Variants in XYLT1 observed in about 807,000 individuals in gnomAD.
The protein encoded by XYLT1 is xylosyltransferase 1, also known as beta-D-xylosyltransferase 1.
In XYLT1, 36 loss-of-function variants were observed where a neutral mutation model predicts 91.3. The ratio of observed to expected loss-of-function variants is 0.39; its 90% CI spans 0.30 to 0.52. XYLT1 has a LOEUF of 0.52. Ranked by LOEUF, XYLT1 falls within the 20% of genes least tolerant of loss-of-function variation. The pLI is 0.68. For missense variants in XYLT1, 1,242 were observed against 1,284.5 expected (o/e 0.97, Z 0.51); for synonymous variants, 588 against 532.0 (o/e 1.11, Z -1.45).
At chr16:17,159,018 G>T in intron 5 of XYLT1, 109 bp from the exon 6 acceptor site, 1 of 925,944 alleles carries the variant, frequency 1.1e-6, no homozygotes, top group Non-Finnish European at 1.8e-6. Flanking sequence ...CACCTTCTCT[G>T]ATCATTTGCA....
chr16:17,416,346 G>A (rs1029108316), intron 1 of XYLT1, among the ~76,000 whole-genome samples: 1 of 152,246 alleles, frequency 6.6e-6, no homozygotes, highest in Non-Finnish European at 1.5e-5. Context: ...CTCATTAGTG[G>A]AGAGGATGGG....
At chr16:17,221,386 A>G (rs181448378) in intron 3 of XYLT1, among the ~76,000 whole-genome samples, 14 of 152,090 alleles carry the variant, frequency 9.2e-5, no homozygotes, top group African/African-American at 3.4e-4. Flanking sequence ...GTTGGTGGCA[A>G]TTTTTCCAGT....
At chr16:17,335,877 G>T (rs1290814397) in intron 2 of XYLT1, among the ~76,000 whole-genome samples, 10 of 152,246 alleles carry the variant, frequency 6.6e-5, no homozygotes, top group African/African-American at 2.4e-4. Context: ...AGTATAATTT[G>T]CTATAAATGG....
intron 3 of XYLT1, among the ~76,000 whole-genome samples, chr16:17,254,984 TTTTTTC>T (rs2033607353): frequency 6.9e-6 from 1 of 145,100 alleles, no homozygotes; most frequent in Admixed American, 7.3e-5. Context: ...TCTTTTTCCT[TTTTTTC>T]TTTTTCTTTT....
intron 1 of XYLT1, among the ~76,000 whole-genome samples, chr16:17,469,161 G>A (rs1190811743): frequency 1.3e-5 from 2 of 152,202 alleles, no homozygotes; most frequent in African/African-American, 2.4e-5. Flanking sequence ...AGAAAGGGTC[G>A]CACAGACTCC....
At chr16:17,335,177 G>A (rs545754389) in intron 2 of XYLT1, among the ~76,000 whole-genome samples, 2 of 149,156 alleles carry the variant, frequency 1.3e-5, no homozygotes, top group East Asian at 2.0e-4. Flanking sequence ...CTGAGATTGC[G>A]CCACTGCACC....
chr16:17,417,244 G>A (rs924311100), intron 1 of XYLT1, among the ~76,000 whole-genome samples: 25 of 152,124 alleles, frequency 1.6e-4, no homozygotes, highest in Non-Finnish European at 3.7e-4. Context: ...CAACAGCCTC[G>A]TATAGTAAAT....
chr16:17,170,953 A>G (rs1597166908), intron 5 of XYLT1, among the ~76,000 whole-genome samples: 1 of 152,240 alleles, frequency 6.6e-6, no homozygotes. Context: ...CAATTTTGTC[A>G]TTTTTAAAAT....
At chr16:17,242,647 C>T (rs11647014) in intron 3 of XYLT1, among the ~76,000 whole-genome samples, 6,536 of 152,208 alleles carry the variant, frequency 0.043, 252 homozygotes, top group Non-Finnish European at 0.062. Flanking sequence ...TAAAATTTAC[C>T]GTCTTAATCA....
intron 2 of XYLT1, among the ~76,000 whole-genome samples, chr16:17,315,970 C>G (rs377604636): frequency 1.3e-5 from 2 of 152,118 alleles, no homozygotes; most frequent in African/African-American, 4.8e-5. Flanking sequence ...CCCTAGAAGA[C>G]GCCAGGAGAA....
At chr16:17,395,697 A>G (rs2035875663) in intron 1 of XYLT1, among the ~76,000 whole-genome samples, 1 of 152,238 alleles carries the variant, frequency 6.6e-6, no homozygotes, top group Non-Finnish European at 1.5e-5. Flanking sequence ...AAGCAGATCA[A>G]TTACCAGGAG....
At chr16:17,213,301 G>T (rs895437135) in intron 3 of XYLT1, among the ~76,000 whole-genome samples, 1 of 152,124 alleles carries the variant, frequency 6.6e-6, no homozygotes, top group African/African-American at 2.4e-5. Flanking sequence ...CAGAAGCCTT[G>T]ATGTTTCCTG....
intron 3 of XYLT1, among the ~76,000 whole-genome samples, chr16:17,232,446 T>TACAC (rs1382876003): frequency 7.9e-6 from 1 of 126,808 alleles, no homozygotes; most frequent in African/African-American, 2.8e-5. Context: ...TATATATATA[T>TACAC]ATACATATAT....
intron 5 of XYLT1, among the ~76,000 whole-genome samples, chr16:17,177,249 A>G (rs1473842838): frequency 3.3e-5 from 5 of 152,020 alleles, no homozygotes; most frequent in Non-Finnish European, 7.4e-5. Flanking sequence ...TCTCCTTCTT[A>G]GTTTTACATA....
intron 1 of XYLT1, among the ~76,000 whole-genome samples, chr16:17,459,333 C>T (rs953498151): frequency 1.3e-5 from 2 of 152,218 alleles, no homozygotes; most frequent in Non-Finnish European, 2.9e-5. Context: ...GATCAAACCA[C>T]TGCATTCTAG....
chr16:17,275,124 C>T (rs1382401334), intron 2 of XYLT1, among the ~76,000 whole-genome samples: 1 of 152,064 alleles, frequency 6.6e-6, no homozygotes, highest in Non-Finnish European at 1.5e-5. Context: ...TTGTAGTGAG[C>T]CAATATTGCG....
At chr16:17,171,953 G>A (rs2031829463) in intron 5 of XYLT1, among the ~76,000 whole-genome samples, 1 of 152,236 alleles carries the variant, frequency 6.6e-6, no homozygotes, top group Non-Finnish European at 1.5e-5. Flanking sequence ...AACTGGCTGA[G>A]CTCTGCCCTC....
chr16:17,385,269 T>TACACACACACACAC (rs566134163), intron 1 of XYLT1, among the ~76,000 whole-genome samples: 5 of 119,906 alleles, frequency 4.2e-5, no homozygotes, highest in South Asian at 3.2e-4. Flanking sequence ...TAAACACACA[T>TACACACACACACAC]ACACACACAC....
intron 1 of XYLT1, among the ~76,000 whole-genome samples, chr16:17,392,804 T>C (rs2035836347): frequency 6.6e-6 from 1 of 152,032 alleles, no homozygotes; most frequent in African/African-American, 2.4e-5. Context: ...CTAGAAATCA[T>C]CCCCCACTGC....
Sources: gnomAD v4.1 joint callset for allele counts (sites outside exome capture counted in the v4.1 genomes callset) on GRCh38, gnomAD v4.1.1 for gene constraint, MANE v1.5 for transcripts, NCBI Gene and HGNC (gene_info 2026-07-23, HGNC 2026-07-21) for gene names.